The following TNKS variants were observed in gnomAD, a reference collection of about 807,000 sequenced individuals.
TNKS encodes tankyrase.
In TNKS, 72 loss-of-function variants were observed where a neutral mutation model predicts 135.8. The observed-to-expected ratio is 0.53, with a 90% confidence interval of 0.44 to 0.64. TNKS has a LOEUF of 0.64. Among genes scored for constraint, TNKS ranks in the 30% least tolerant of loss-of-function variants. TNKS has a pLI of 0.00. For missense variants in TNKS, 1,769 were observed against 1,674.0 expected (o/e 1.06, Z -0.99); for synonymous variants, 849 against 649.3 (o/e 1.31, Z -4.68).
intron 3 of TNKS, among the ~76,000 whole-genome samples, chr8:9,618,050 G>C (rs1270782952): frequency 7.1e-6 from 1 of 141,366 alleles, no homozygotes; most frequent in Non-Finnish European, 1.5e-5. Flanking sequence ...TCAGTGGAAC[G>C]ATCTCAGCTC....
intron 1 of TNKS, chr8:9,558,874 A>G (rs1384872083): frequency 6.6e-6 from 1 of 152,182 alleles, no homozygotes; most frequent in Non-Finnish European, 1.5e-5. Context: ...TTGAATTCGT[A>G]ACATTAAAGT....
At chr8:9,771,513 G>C (rs1585451405) in intron 26 of TNKS, among the ~76,000 whole-genome samples, 1 of 146,078 alleles carries the variant, frequency 6.8e-6, no homozygotes, top group South Asian at 2.3e-4. Flanking sequence ...GAAAGAACGG[G>C]AGAGAGAGGA....
At chr8:9,672,596 AT>A (rs1412183402) in intron 3 of TNKS, among the ~76,000 whole-genome samples, 1 of 150,804 alleles carries the variant, frequency 6.6e-6, no homozygotes, top group Non-Finnish European at 1.5e-5. Flanking sequence ...TTTGGATCAA[AT>A]AGGGAATTTA....
intron 3 of TNKS, among the ~76,000 whole-genome samples, chr8:9,662,993 G>A (rs1801797746): frequency 1.3e-5 from 2 of 152,280 alleles, no homozygotes; most frequent in South Asian, 2.1e-4. Context: ...TGGGTTATCT[G>A]GATAGGCCCA....
intron 3 of TNKS, among the ~76,000 whole-genome samples, chr8:9,662,009 CA>C (rs1460607654): frequency 6.6e-6 from 1 of 152,206 alleles, no homozygotes; most frequent in Non-Finnish European, 1.5e-5. Context: ...CACTGGCCAT[CA>C]GAGAAATGCA....
chr8:9,704,641 A>T, intron 5 of TNKS, 22 bp from the exon 6 acceptor site: 1 of 1,584,090 alleles, frequency 6.3e-7, no homozygotes, highest in East Asian at 2.2e-5. Context: ...TTACCTGAAA[A>T]GGGGATGTTT....
At position 9,710,025 on chromosome 8, in the gene TNKS, A is replaced by G. The variant is rs776967540; in HGVS notation, c.1649A>G (p.Asn550Ser). The G allele has an allele frequency of 4.3e-6, 7 of 1,614,102 alleles. No individual in the cohort carries two copies. Among genetic ancestry groups the G allele is most frequent in the Non-Finnish European group, 5.9e-6 (7 of 1,179,954 alleles). The change falls in exon 10 of 27, where the codon AAT becomes AGT. Residue 550 changes from asparagine to serine, a missense_variant. By Grantham distance (46) the Asn-to-Ser change is conservative. Coordinates refer to ENST00000310430, the MANE Select transcript of TNKS (RefSeq NM_003747.3). Reference protein sequence around the residue: ...VTELLLRKGANVNEKNKDFMT... With the variant: ...VTELLLRKGASVNEKNKDFMT... ...GAATTGTTACTTAGAAAAGGAGCAA[A>G]TGTTAATGAAAAAAATAAAGAGTAA...
chr8:9,752,443 C>G, intron 19 of TNKS, 101 bp from the exon 20 acceptor site: 1 of 777,240 alleles, frequency 1.3e-6, no homozygotes, highest in Non-Finnish European at 2.1e-6. Context: ...GGAAAATCAT[C>G]TGACAGCCAA....
At chr8:9,583,215 T>A (rs1161443541) in intron 2 of TNKS, among the ~76,000 whole-genome samples, 1 of 151,752 alleles carries the variant, frequency 6.6e-6, no homozygotes, top group East Asian at 1.9e-4. Context: ...CCCATGTGTT[T>A]CTTTCATAGA....
At chr8:9,668,839 G>A (rs545451375) in intron 3 of TNKS, among the ~76,000 whole-genome samples, 12 of 152,242 alleles carry the variant, frequency 7.9e-5, no homozygotes, top group African/African-American at 2.9e-4. Context: ...AGGGAACAGT[G>A]AATAATAAAT....
intron 17 of TNKS, among the ~76,000 whole-genome samples, chr8:9,740,755 C>T (rs1033003368): frequency 3.3e-5 from 5 of 151,304 alleles, no homozygotes; most frequent in Non-Finnish European, 7.4e-5. Context: ...ACAAATACTT[C>T]TACCAAAGAC....
rs892696515 is a variant in TNKS at position 9,608,003 on chromosome 8, G to C, written c.899-7579G>C. 2.6e-5 allele frequency among the ~76,000 whole-genome samples: 4 copies of C among 152,190 alleles called. No individual in the cohort carries two copies. The East Asian group carries it at 5.8e-4, about 22-fold the overall frequency. ...CATTCAAGTTGGAGTGCAGTGGTGC[G>C]ATCATGGCTCACTGCAGCCTTCACC... On this transcript the variant is annotated intron_variant, in intron 2 of 26. Transcript: ENST00000310430.
Position 9,773,176 on chromosome 8 carries a change from A to T in TNKS, c.3897+2914A>T, listed in dbSNP as rs544444844. Among the ~76,000 whole-genome samples, 11 of 152,226 alleles carry T rather than the reference A, an allele frequency of 7.2e-5. No homozygotes were observed. In the East Asian group the frequency reaches 1.9e-3, roughly 27 times the overall value. Reference sequence around the variant, plus strand: ...TCTTCTAGAAATTTGTATTGGAATAATCAGTGATAGTCACAAACACACACT... The same window carrying T: ...TCTTCTAGAAATTTGTATTGGAATATTCAGTGATAGTCACAAACACACACT... On this transcript the variant is annotated intron_variant, in intron 26 of 26. Transcript: ENST00000310430.
At chr8:9,575,196 C>G in intron 1 of TNKS, 1 of 580,910 alleles carries the variant, frequency 1.7e-6, no homozygotes, top group Non-Finnish European at 2.2e-6. Context: ...ACGCCATTCT[C>G]CTGCCTCAGC....
intron 3 of TNKS, among the ~76,000 whole-genome samples, chr8:9,616,009 G>C (rs193003115): frequency 6.6e-6 from 1 of 152,162 alleles, no homozygotes; most frequent in African/African-American, 2.4e-5. Flanking sequence ...AGCAAGCAAG[G>C]GCATTTATAT....
chr8:9,591,746 A>G (rs1050543297), intron 2 of TNKS, among the ~76,000 whole-genome samples: 2 of 152,160 alleles, frequency 1.3e-5, no homozygotes, highest in African/African-American at 4.8e-5. Context: ...ATACAGGCAA[A>G]GGTTTTTAAG....
At chr8:9,584,612 A>C (rs1798298156) in intron 2 of TNKS, among the ~76,000 whole-genome samples, 1 of 152,196 alleles carries the variant, frequency 6.6e-6, no homozygotes, top group African/African-American at 2.4e-5. Context: ...TGTTACTTGC[A>C]AATTAGTATA....
At chr8:9,622,186 C>T (rs1008623778) in intron 3 of TNKS, among the ~76,000 whole-genome samples, 19 of 152,078 alleles carry the variant, frequency 1.2e-4, no homozygotes, top group African/African-American at 4.6e-4. Flanking sequence ...TTATATCTGA[C>T]GTAAGAGATT....
At chr8:9,633,527 C>G (rs868467521) in intron 3 of TNKS, among the ~76,000 whole-genome samples, 1 of 152,144 alleles carries the variant, frequency 6.6e-6, no homozygotes, top group South Asian at 2.1e-4. Context: ...AAGAAGGTGC[C>G]CAATCAACCT....
Sources: gnomAD v4.1 joint callset for allele counts (sites outside exome capture counted in the v4.1 genomes callset) on GRCh38, gnomAD v4.1.1 for gene constraint, MANE v1.5 for transcripts, NCBI Gene and HGNC (gene_info 2026-07-23, HGNC 2026-07-21) for gene names.